Variants in BAG3 observed in about 807,000 individuals in gnomAD.
BAG3 encodes BAG family molecular chaperone regulator 3.
BAG3 carries 14 observed loss-of-function variants against 40.5 expected under a neutral mutation model. The observed-to-expected ratio is 0.35, with a 90% CI of 0.23 to 0.54. The LOEUF (loss-of-function observed/expected upper bound fraction) is 0.54, where lower values mean the gene tolerates loss of function less well. Ranked by LOEUF, BAG3 falls within the 20% of genes least tolerant of loss-of-function variation. BAG3 has a pLI of 0.91. For missense variants in BAG3, 788 were observed against 758.6 expected (o/e 1.04, Z -0.46); for synonymous variants, 302 against 307.8 (o/e 0.98, Z 0.20).
intron 1 of BAG3, among the ~76,000 whole-genome samples, chr10:119,660,498 G>A (rs1846977866): frequency 6.6e-6 from 1 of 152,124 alleles, no homozygotes; most frequent in Non-Finnish European, 1.5e-5. Flanking sequence ...TCAGATAAAG[G>A]GGCTTCTAAT....
rs149358702 is a variant in BAG3 at position 119,677,141 on chromosome 10, C to G, written c.1587C>G (p.Ala529=). The G allele has an allele frequency of 1.9e-6, 3 of 1,614,050 alleles. No individual in the cohort carries two copies. The highest frequency in any genetic ancestry group is 1.6e-4 in the Middle Eastern group (1 of 6,062). The change falls in exon 4 of 4, where the codon GCC becomes GCG. Residue 529 remains alanine (A), a synonymous_variant. Transcript: ENST00000369085. The stretch of plus-strand genomic sequence containing the variant: ...TGCAGGCAATCATGGAGATGGGTGC[C>G]GTGGCAGCAGACAAGGGCAAGAAAA... The part of the protein sequence containing the change: ...QPLQAIMEMG[A]VAADKGKKNA...
chr10:119,674,663 A>G (rs1416200461), intron 3 of BAG3, among the ~76,000 whole-genome samples: 1 of 152,244 alleles, frequency 6.6e-6, no homozygotes, highest in African/African-American at 2.4e-5. Context: ...ACTTACATGA[A>G]TAAGAGCCAA....
In BAG3 at chr10:119,672,224, G is replaced by A. The variant is rs1847159374; in HGVS notation, c.508-31G>A. 1 of 1,610,190 alleles carries A rather than the reference G, an allele frequency of 6.2e-7. No individual in the cohort carries two copies. Among genetic ancestry groups the A allele is most frequent in the Non-Finnish European group, 8.5e-7 (1 of 1,179,986 alleles). On this transcript the variant is annotated intron_variant, in intron 2 of 3. Coordinates refer to ENST00000369085, the MANE Select transcript of BAG3 (RefSeq NM_004281.4). This position sits in a 1 kb window ranked among gnomAD's most constrained non-coding sequence, Gnocchi z 4.8. ...GCCAAGCCAGGGGAGTCATTTGTGG[G>A]GTCATGCCCTCTACCCTGTGTCTCT...
At chr10:119,670,248 C>T in intron 2 of BAG3, 71 bp downstream of exon 2, 3 of 1,505,062 alleles carry the variant, frequency 2.0e-6, no homozygotes, top group Non-Finnish European at 2.7e-6. Context: ...GGCCCATCCC[C>T]TCAGGACAGT....
rs377178592 is a variant in BAG3 at position 119,677,308 on chromosome 10, G to T, written c.*26G>T. On this transcript the variant is annotated 3_prime_UTR_variant, in exon 4 of 4. Coordinates refer to ENST00000369085, the MANE Select transcript of BAG3 (RefSeq NM_004281.4). ...CCTCTGCCCTGTAAAAATCAGACTC[G>T]GAACCGATGTGTGCTTTAGGGAATT... is the stretch of plus-strand genomic sequence containing the variant. 5 of 1,612,704 alleles carry T rather than the reference G, an allele frequency of 3.1e-6. No individual in the cohort carries two copies. Among genetic ancestry groups the T allele is most frequent in the Non-Finnish European group, 3.4e-6 (4 of 1,179,618 alleles).
intron 1 of BAG3, among the ~76,000 whole-genome samples, chr10:119,659,333 T>G (rs1450358032): frequency 6.6e-6 from 1 of 152,208 alleles, no homozygotes; most frequent in Non-Finnish European, 1.5e-5. Flanking sequence ...CCCTCAGCTG[T>G]GTCTGTGCAG....
In BAG3 at chr10:119,651,577, G is replaced by GGCGGCGGAGAGGGGCCC; in HGVS notation, c.-98_-82dup. 8.5e-7 allele frequency: 1 copy of GGCGGCGGAGAGGGGCCC among 1,176,098 alleles called. No homozygotes were observed. 72.9% of individuals were successfully genotyped at this position (1,176,098 alleles called of 1,614,324 possible). A position where few individuals can be genotyped will look rare whatever the true frequency, so the allele number is the denominator to read the frequency against. On this transcript the variant is annotated 5_prime_UTR_variant, in exon 1 of 4. Transcript: ENST00000369085. ...CCGGCGCCGGCTTCCCGGACACGTC[G>GGCGGCGGAGAGGGGCCC]GCGGCGGAGAGGGGCCCACGGCGGC...
intron 1 of BAG3, among the ~76,000 whole-genome samples, chr10:119,663,594 A>T (rs1431018015): frequency 1.3e-5 from 2 of 152,124 alleles, no homozygotes; most frequent in African/African-American, 2.4e-5. Flanking sequence ...GATTACAGAC[A>T]TGAACCACCG....
chr10:119,656,956 T>C (rs760156458), intron 1 of BAG3, among the ~76,000 whole-genome samples: 1 of 152,154 alleles, frequency 6.6e-6, no homozygotes, highest in Non-Finnish European at 1.5e-5. Flanking sequence ...CTTCTGTGGC[T>C]TTACCCCCAT....
At chr10:119,662,963 C>T (rs1164743036) in intron 1 of BAG3, among the ~76,000 whole-genome samples, 2 of 152,074 alleles carry the variant, frequency 1.3e-5, no homozygotes, top group East Asian at 1.9e-4. Context: ...TGCAATGAGC[C>T]GAGATCGCGC....
intron 1 of BAG3, 78 bp from the exon 2 acceptor site, chr10:119,669,773 C>G: frequency 1.4e-6 from 2 of 1,409,600 alleles, no homozygotes; most frequent in Non-Finnish European, 2.0e-6. Flanking sequence ...CAATGCCAAG[C>G]GCCACAGTGT....
chr10:119,668,444 C>T (rs192518709), intron 1 of BAG3, among the ~76,000 whole-genome samples: 3 of 152,240 alleles, frequency 2.0e-5, no homozygotes, highest in African/African-American at 7.2e-5. Flanking sequence ...CAGCTGCCTT[C>T]GTCAGGAAAG....
chr10:119,664,831 A>G (rs1847036776), intron 1 of BAG3, among the ~76,000 whole-genome samples: 1 of 152,174 alleles, frequency 6.6e-6, no homozygotes, highest in South Asian at 2.1e-4. Context: ...TCTTTTATTT[A>G]CAAAATATCT....
chr10:119,658,557 T>C (rs1315164475), intron 1 of BAG3, among the ~76,000 whole-genome samples: 1 of 152,156 alleles, frequency 6.6e-6, no homozygotes, highest in Non-Finnish European at 1.5e-5. Flanking sequence ...CTGGGCGAAA[T>C]GGAAGCCTTT....
chr10:119,664,199 C>G (rs947474521), intron 1 of BAG3, among the ~76,000 whole-genome samples: 2 of 152,196 alleles, frequency 1.3e-5, no homozygotes, highest in Non-Finnish European at 2.9e-5. Context: ...AGCTCAGAAC[C>G]TGACCTCAGG....
Position 119,672,003 on chromosome 10 carries a change from G to T in BAG3, c.508-252G>T, listed in dbSNP as rs1195592044. Among the ~76,000 whole-genome samples the T allele has an allele frequency of 6.6e-6, 1 of 152,202 alleles. No individual in the cohort carries two copies. The highest frequency in any genetic ancestry group is 2.4e-5 in the African/African-American group (1 of 41,460). Reference sequence around the variant, plus strand: ...GGGGTTTCACCATGTTGGCCAGGCTGCTCTTGAACTCCTGACCTCAGGTGG... The same window carrying T: ...GGGGTTTCACCATGTTGGCCAGGCTTCTCTTGAACTCCTGACCTCAGGTGG... On this transcript the variant is annotated intron_variant, in intron 2 of 3. Coordinates refer to ENST00000369085, the MANE Select transcript of BAG3 (RefSeq NM_004281.4). The surrounding 1 kb of genome is among the most constrained non-coding windows in gnomAD (Gnocchi z 4.8).
chr10:119,661,723 C>T (rs940355683), intron 1 of BAG3, among the ~76,000 whole-genome samples: 2 of 151,984 alleles, frequency 1.3e-5, no homozygotes, highest in African/African-American at 2.4e-5. Flanking sequence ...TTGGCACACA[C>T]CTCTTGTCTT....
In BAG3 at chr10:119,677,132, G is replaced by A. The variant is rs777325497; in HGVS notation, c.1578G>A (p.Glu526=). The A allele has an allele frequency of 6.2e-7, 1 of 1,614,176 alleles. No homozygotes were observed. Among genetic ancestry groups the A allele is most frequent in the South Asian group, 1.1e-5 (1 of 91,084 alleles). ...ATCAGCCACTGCAGGCAATCATGGA[G>A]ATGGGTGCCGTGGCAGCAGACAAGG... The part of the protein sequence containing the change: ...EADQPLQAIM[E]MGAVAADKGK... Residue 526 remains glutamate, a synonymous_variant, in exon 4 of 4, where the codon GAG becomes GAA. Transcript: ENST00000369085.
rs752723601 is a variant in BAG3 at position 119,651,663 on chromosome 10, A to T, written c.-13A>T. Reference sequence around the variant, plus strand: ...CCCGCACCCGCGCCCCAGCGGGCAGACCCCAACCCAGCATGAGCGCCGCCA... The same window carrying T: ...CCCGCACCCGCGCCCCAGCGGGCAGTCCCCAACCCAGCATGAGCGCCGCCA... On this transcript the variant is annotated 5_prime_UTR_variant, in exon 1 of 4. Transcript: ENST00000369085. 1.3e-6 allele frequency: 2 copies of T among 1,554,768 alleles called. No individual in the cohort carries two copies. The highest frequency in any genetic ancestry group is 2.6e-5 in the East Asian group (1 of 37,824).
Sources: gnomAD v4.1 joint callset for allele counts (sites outside exome capture counted in the v4.1 genomes callset) on GRCh38, gnomAD v4.1.1 for gene constraint, Gnocchi (gnomAD v3.1) non-coding constraint, MANE v1.5 for transcripts, NCBI Gene and HGNC (gene_info 2026-07-23, HGNC 2026-07-21) for gene names.